NT5C2: variants seen among roughly 807,000 people sequenced by gnomAD.
NT5C2 encodes the protein 5'-nucleotidase, cytosolic II.
In NT5C2, 58 loss-of-function variants were observed where a neutral mutation model predicts 76.1. That is an observed-to-expected ratio of 0.76 (90% confidence interval 0.62 to 0.95). The LOEUF (loss-of-function observed/expected upper bound fraction) is 0.95, where lower values mean the gene tolerates loss of function less well. Among genes scored for constraint, NT5C2 ranks in the 40% least tolerant of loss-of-function variants. The pLI is 0.00. For missense variants in NT5C2, 478 were observed against 690.3 expected (o/e 0.69, Z 3.45); for synonymous variants, 229 against 237.4 (o/e 0.96, Z 0.32).
At chr10:103,142,743 G>A (rs957534759) in intron 3 of NT5C2, among the ~76,000 whole-genome samples, 4 of 152,140 alleles carry the variant, frequency 2.6e-5, no homozygotes, top group African/African-American at 7.2e-5. Flanking sequence ...CCAACACTTT[G>A]GGAGGCTGAG....
intron 4 of NT5C2, among the ~76,000 whole-genome samples, chr10:103,115,807 C>T (rs927673165): frequency 6.6e-6 from 1 of 151,864 alleles, no homozygotes; most frequent in Non-Finnish European, 1.5e-5. Flanking sequence ...ATAATATACA[C>T]CTAAAATATG....
At chr10:103,191,186 G>C (rs890393497) in intron 1 of NT5C2, among the ~76,000 whole-genome samples, 1 of 152,190 alleles carries the variant, frequency 6.6e-6, no homozygotes, top group Non-Finnish European at 1.5e-5. Flanking sequence ...GAGGTCAGGA[G>C]TTCGAGACCA....
chr10:103,113,354 G>A (rs182279472), intron 4 of NT5C2, among the ~76,000 whole-genome samples: 1 of 152,144 alleles, frequency 6.6e-6, no homozygotes. Context: ...TTCCATCTGA[G>A]AATCTGAACA....
chr10:103,174,241 T>C (rs1393482957), intron 3 of NT5C2, among the ~76,000 whole-genome samples: 2 of 152,130 alleles, frequency 1.3e-5, no homozygotes, highest in African/African-American at 2.4e-5. Flanking sequence ...ACCCTGTCTC[T>C]ACCAAAACTA....
At chr10:103,185,590 T>G (rs2091907566) in intron 1 of NT5C2, among the ~76,000 whole-genome samples, 1 of 140,040 alleles carries the variant, frequency 7.1e-6, no homozygotes, top group Non-Finnish European at 1.5e-5. Context: ...AGAGATTGCG[T>G]GAGCCAAGAT....
rs550031788 is a variant in NT5C2 at position 103,135,470 on chromosome 10, A to G, written c.175+3936T>C. Among the ~76,000 whole-genome samples, 6 of 152,272 alleles carry G rather than the reference A, an allele frequency of 3.9e-5. 1 individual carries two copies. Among genetic ancestry groups the G allele is most frequent in the African/African-American group, 1.4e-4 (6 of 41,554 alleles). The stretch of plus-strand genomic sequence containing the variant: ...GGGGATTCCCCAGCCAGGTGGAAAT[A>G]TAAGTCCATTAAACTTCTTTCTGGT... On this transcript the variant is annotated intron_variant, in intron 4 of 18. Coordinates refer to ENST00000404739, the MANE Select transcript of NT5C2 (RefSeq NM_001351169.2).
At chr10:103,189,560 C>T (rs576870242) in intron 1 of NT5C2, among the ~76,000 whole-genome samples, 3 of 148,710 alleles carry the variant, frequency 2.0e-5, no homozygotes, top group East Asian at 2.0e-4. Flanking sequence ...GAGCCGAGAT[C>T]GCACCACTGC....
intron 3 of NT5C2, among the ~76,000 whole-genome samples, chr10:103,145,873 TA>T (rs1289932937): frequency 6.6e-6 from 1 of 152,126 alleles, no homozygotes; most frequent in Non-Finnish European, 1.5e-5. Flanking sequence ...CAAGTAAATA[TA>T]AATATTAACC....
intron 3 of NT5C2, among the ~76,000 whole-genome samples, chr10:103,155,225 T>G (rs2083119748): frequency 1.3e-5 from 2 of 152,198 alleles, no homozygotes; most frequent in South Asian, 4.1e-4. Flanking sequence ...TTAATAGTAG[T>G]ATTAGAGATA....
At chr10:103,114,691 CAT>C (rs1449101970) in intron 4 of NT5C2, among the ~76,000 whole-genome samples, 4 of 152,086 alleles carry the variant, frequency 2.6e-5, no homozygotes, top group African/African-American at 7.2e-5. Context: ...TCTTTAATAA[CAT>C]AAAGTATTCT....
intron 3 of NT5C2, among the ~76,000 whole-genome samples, chr10:103,163,858 TACAAAAAAAAA>T (rs1466733903): frequency 9.1e-5 from 4 of 44,174 alleles, no homozygotes; most frequent in East Asian, 7.8e-4. Flanking sequence ...CTACTAAAAA[TACAAAAAAAAA>T]ACAAAAAAAA....
chr10:103,175,589 G>A lies in NT5C2; in HGVS notation c.-24-607C>T, dbSNP rs759344963. 7 of 210,388 alleles carry A rather than the reference G, an allele frequency of 3.3e-5. No homozygotes were observed. The East Asian group carries it at 6.4e-4, about 19-fold the overall frequency. 13.0% of individuals were successfully genotyped at this position (210,388 alleles called of 1,614,324 possible). On this transcript the variant is annotated intron_variant, in intron 2 of 18. Transcript: ENST00000404739. ...AGAGCTCCAAGGCTCCTCGGAAGACGTGACCACCAAGGTTGCGGCAGGTGC... is the reference window on the plus strand; with the variant it reads ...AGAGCTCCAAGGCTCCTCGGAAGACATGACCACCAAGGTTGCGGCAGGTGC...
intron 2 of NT5C2, among the ~76,000 whole-genome samples, chr10:103,180,784 C>T (rs2090915715): frequency 6.6e-6 from 1 of 151,224 alleles, no homozygotes; most frequent in Non-Finnish European, 1.5e-5. Context: ...AAACTACAAA[C>T]AACCCAAATG....
chr10:103,129,533 C>A (rs2077547609), intron 4 of NT5C2, among the ~76,000 whole-genome samples: 6 of 116,044 alleles, frequency 5.2e-5, no homozygotes, highest in Admixed American at 2.4e-4. Context: ...GTGGGGGGGT[C>A]AGCCCCCCGC....
intron 3 of NT5C2, among the ~76,000 whole-genome samples, chr10:103,168,128 A>G (rs2086866804): frequency 6.6e-6 from 1 of 152,054 alleles, no homozygotes; most frequent in South Asian, 2.1e-4. Context: ...CTTCAGATAT[A>G]TAATTTAAGA....
intron 3 of NT5C2, among the ~76,000 whole-genome samples, chr10:103,169,624 A>C (rs1591703847): frequency 1.3e-5 from 2 of 152,146 alleles, no homozygotes; most frequent in East Asian, 3.8e-4. Context: ...GTCTCAAAAA[A>C]AATTATAATA....
At chr10:103,162,118 T>C (rs1565232839) in intron 3 of NT5C2, among the ~76,000 whole-genome samples, 1 of 152,090 alleles carries the variant, frequency 6.6e-6, no homozygotes, top group Non-Finnish European at 1.5e-5. Context: ...TGGGTTCAAG[T>C]GACTCTCCTG....
chr10:103,093,269 T>A lies in NT5C2; in HGVS notation c.1029A>T (p.Gly343=). Residue 343 remains glycine, a synonymous_variant, in exon 15 of 19, where the codon GGA becomes GGT. Transcript: ENST00000404739. Reference sequence around the variant, plus strand: ...GATCTCCAATATACAAAATGTCTTTTCCCTTGGCTCCCAACAGGTCACAGA... The same window carrying A: ...GATCTCCAATATACAAAATGTCTTTACCCTTGGCTCCCAACAGGTCACAGA... The part of the protein sequence containing the change: ...DTICDLLGAK[G]KDILYIGDHI... 6.2e-7 allele frequency: 1 copy of A among 1,608,942 alleles called. No homozygotes were observed. Among genetic ancestry groups the A allele is most frequent in the Non-Finnish European group, 8.5e-7 (1 of 1,177,726 alleles).
At chr10:103,153,621 G>C in intron 3 of NT5C2, 1 of 985,342 alleles carries the variant, frequency 1.0e-6, no homozygotes, top group Non-Finnish European at 1.2e-6. Flanking sequence ...TAAGAGACAG[G>C]AATCGTTACT....
Sources: gnomAD v4.1 joint callset for allele counts (sites outside exome capture counted in the v4.1 genomes callset) on GRCh38, gnomAD v4.1.1 for gene constraint, MANE v1.5 for transcripts, NCBI Gene and HGNC (gene_info 2026-07-23, HGNC 2026-07-21) for gene names.